The following ASH1L variants were observed in gnomAD, a reference collection of about 807,000 sequenced individuals.
ASH1L encodes the protein histone-lysine N-methyltransferase ASH1L.
ASH1L carries 23 observed loss-of-function variants against 269.0 expected under a neutral mutation model. The observed-to-expected ratio is 0.09, with a 90% confidence interval of 0.06 to 0.12. ASH1L has a LOEUF of 0.12. ASH1L is among the 10% of genes least tolerant of loss of function. The probability of loss-of-function intolerance (pLI) is 1.00; values close to 1 mark genes in which losing one functional copy is unlikely to be tolerated. For missense variants in ASH1L, 2,912 were observed against 3,567.8 expected, an observed-to-expected ratio of 0.82 and a Z score of 4.68; for synonymous variants, 1,187 against 1,253.5, an observed-to-expected ratio of 0.95 and a Z score of 1.12.
chr1:155,461,802 GTT>G (rs398053426), intron 3 of ASH1L, among the ~76,000 whole-genome samples: 18 of 127,078 alleles, frequency 1.4e-4, no homozygotes, highest in East Asian at 2.3e-4. Flanking sequence ...GGGTTTGAGG[GTT>G]TTTTTTTTTT....
chr1:155,352,191 G>A (rs1009028100), intron 17 of ASH1L, among the ~76,000 whole-genome samples: 3 of 151,492 alleles, frequency 2.0e-5, no homozygotes, highest in African/African-American at 7.3e-5. Flanking sequence ...AGACAGACAT[G>A]GTGGCTCATG....
chr1:155,352,652 A>AAAAAAG (rs890108846), intron 17 of ASH1L, 54 bp downstream of exon 17: 27 of 1,518,582 alleles, frequency 1.8e-5, no homozygotes, highest in African/African-American at 2.8e-5. Context: ...TTATTTAAAA[A>AAAAAAG]AAAAAGAAAA....
At chr1:155,485,130 C>A (rs1171921637) in intron 2 of ASH1L, among the ~76,000 whole-genome samples, 4 of 151,078 alleles carry the variant, frequency 2.6e-5, no homozygotes, top group African/African-American at 9.7e-5. Context: ...GTGGCGCATG[C>A]CTGTAGTCCC....
rs1333433729 is a variant in ASH1L at position 155,384,929 on chromosome 1, G to T, written c.6104-4813C>A. On this transcript the variant is annotated intron_variant, in intron 7 of 27. Transcript: ENST00000392403. ...TGCTTTTTTTGTCATATTCTCACAA[G>T]CTCCTCAGTCTTTCTGTTTTTAATT... 1.2e-4 allele frequency among the ~76,000 whole-genome samples: 18 copies of T among 151,718 alleles called. 1 individual carries two copies. Among genetic ancestry groups the T allele is most frequent in the Admixed American group, 1.1e-3 (17 of 15,216 alleles).
intron 5 of ASH1L, among the ~76,000 whole-genome samples, chr1:155,423,082 G>A (rs763457663): frequency 5.9e-5 from 9 of 151,642 alleles, no homozygotes; most frequent in African/African-American, 9.7e-5. Flanking sequence ...CCGAGTAGCT[G>A]GGATTACAGG....
chr1:155,455,271 A>G lies in ASH1L; in HGVS notation c.5086+4526T>C, dbSNP rs536805087. ...TCATATTACATCCTAAAGACCTAATAAGATATTAAAAACCTCCAGAAAAGG... is the reference window on the plus strand; with the variant it reads ...TCATATTACATCCTAAAGACCTAATGAGATATTAAAAACCTCCAGAAAAGG... On this transcript the variant is annotated intron_variant, in intron 4 of 27. Transcript: ENST00000392403. 2.3e-3 allele frequency among the ~76,000 whole-genome samples: 353 copies of G among 152,326 alleles called. 1 individual carries two copies. The highest frequency in any genetic ancestry group is 8.1e-3 in the African/African-American group (337 of 41,582).
At chr1:155,509,277 A>G (rs1255286137) in intron 2 of ASH1L, among the ~76,000 whole-genome samples, 1 of 152,096 alleles carries the variant, frequency 6.6e-6, no homozygotes, top group African/African-American at 2.4e-5. Context: ...CCCCAGGATG[A>G]TCCCCAGGAG....
intron 13 of ASH1L, among the ~76,000 whole-genome samples, chr1:155,359,962 A>G (rs529762640): frequency 5.9e-5 from 9 of 151,718 alleles, no homozygotes; most frequent in African/African-American, 2.2e-4. Flanking sequence ...ATCTCGGCTC[A>G]ACGTAACGCA....
At chr1:155,549,706 G>A in intron 1 of ASH1L, among the ~76,000 whole-genome samples, 1 of 151,886 alleles carries the variant, frequency 6.6e-6, no homozygotes, top group East Asian at 1.9e-4. Flanking sequence ...TTATATAAGG[G>A]ACTGGCACAT....
intron 7 of ASH1L, among the ~76,000 whole-genome samples, chr1:155,394,135 G>A (rs1476114380): frequency 2.6e-5 from 4 of 152,142 alleles, no homozygotes; most frequent in Admixed American, 1.3e-4. Context: ...CTTAAAAGAT[G>A]AGCAGAAACC....
At chr1:155,405,116 A>AC (rs1410340033) in intron 6 of ASH1L, among the ~76,000 whole-genome samples, 4 of 152,214 alleles carry the variant, frequency 2.6e-5, no homozygotes, top group African/African-American at 7.2e-5. Flanking sequence ...AGTAAATTAA[A>AC]AAAAAATTCT....
chr1:155,442,304 A>T (rs996535154), intron 4 of ASH1L, among the ~76,000 whole-genome samples: 1 of 151,832 alleles, frequency 6.6e-6, no homozygotes, highest in Non-Finnish European at 1.5e-5. Flanking sequence ...AAAAAACACA[A>T]AGGCCCGGCA....
chr1:155,346,517 G>C, intron 20 of ASH1L, 48 bp from the exon 21 acceptor site: 1 of 1,530,680 alleles, frequency 6.5e-7, no homozygotes, highest in Non-Finnish European at 9.0e-7. Flanking sequence ...ATGACTTATT[G>C]AGAGTGTCCT....
chr1:155,397,134 A>G (rs1273385660), intron 6 of ASH1L, among the ~76,000 whole-genome samples: 1 of 146,468 alleles, frequency 6.8e-6, no homozygotes, highest in Admixed American at 6.9e-5. Context: ...CAAAAAAAGA[A>G]AAAAAAAAAA....
chr1:155,407,922 T>A (rs966482613), intron 6 of ASH1L, among the ~76,000 whole-genome samples: 1 of 152,096 alleles, frequency 6.6e-6, no homozygotes. Context: ...AGTTGCCTAA[T>A]GGTGGGGAAA....
At chr1:155,420,327 A>AT (rs1660566142) in intron 5 of ASH1L, among the ~76,000 whole-genome samples, 1 of 149,536 alleles carries the variant, frequency 6.7e-6, no homozygotes. Flanking sequence ...TCAAAAAAAA[A>AT]CACTCCAGCC....
At chr1:155,475,940 T>C (rs1049601097) in intron 3 of ASH1L, among the ~76,000 whole-genome samples, 7 of 152,186 alleles carry the variant, frequency 4.6e-5, no homozygotes, top group African/African-American at 1.7e-4. Flanking sequence ...ATAATCTCCA[T>C]GACTCAATGA....
rs562602193 is a variant in ASH1L, at chr1:155,530,029, A to C, written c.-99-8411T>G. Among the ~76,000 whole-genome samples the C allele has an allele frequency of 2.2e-4, 33 of 151,690 alleles. No homozygotes were observed. The South Asian group carries it at 5.8e-3, about 27-fold the overall frequency. On this transcript the variant is annotated intron_variant, in intron 1 of 27. Coordinates refer to ENST00000392403, the MANE Select transcript of ASH1L (RefSeq NM_018489.3). ...TCTGTTTCTCAAACACAACAAAAAT[A>C]CTCTTTACCTTGGGACCTTTGCACT...
intron 7 of ASH1L, among the ~76,000 whole-genome samples, chr1:155,382,655 T>C (rs1161744137): frequency 6.6e-6 from 1 of 152,026 alleles, no homozygotes; most frequent in Non-Finnish European, 1.5e-5. Flanking sequence ...GAACAAGACA[T>C]ACAGCGAGAA....
Sources: allele counts gnomAD v4.1 joint callset (sites outside exome capture counted in the v4.1 genomes callset), GRCh38; gene constraint gnomAD v4.1.1; transcripts MANE v1.5; gene names NCBI Gene and HGNC (gene_info 2026-07-23, HGNC 2026-07-21).